Variants in POR observed in about 807,000 individuals in gnomAD.
POR encodes the protein cytochrome p450 oxidoreductase.
Under a neutral mutation model 84.0 loss-of-function variants are expected in POR, and 56 were observed. The ratio of observed to expected loss-of-function variants is 0.67; its 90% CI spans 0.54 to 0.83. POR has a LOEUF of 0.83. Ranked by LOEUF, POR falls within the 40% of genes least tolerant of loss-of-function variation. The probability of loss-of-function intolerance (pLI) is 0.00; values close to 1 mark genes in which losing one functional copy is unlikely to be tolerated. For missense variants in POR, 938 were observed against 944.3 expected (o/e 0.99, Z 0.09); for synonymous variants, 414 against 400.5 (o/e 1.03, Z -0.40).
chr7:75,985,707 T>C lies in POR; in HGVS notation c.1527T>C (p.Arg509=). Reference sequence around the variant, plus strand: ...AGCCTGCCGGGGAGAACGGCGGCCGTGCGCTGGTGCCCATGTTCGTGCGCA... The same window carrying C: ...AGCCTGCCGGGGAGAACGGCGGCCGCGCGCTGGTGCCCATGTTCGTGCGCA... The change falls in exon 13 of 16, where the codon CGT becomes CGC. Residue 509 remains arginine, a synonymous_variant. Transcript: ENST00000461988. 6.3e-7 allele frequency: 1 copy of C among 1,586,838 alleles called. No homozygotes were observed. Among genetic ancestry groups the C allele is most frequent in the Non-Finnish European group, 8.6e-7 (1 of 1,168,382 alleles).
Position 75,923,378 on chromosome 7 carries a change from AGGAGATT to A in POR, c.-5+8202_-5+8208del, listed in dbSNP as rs1448056707. Reference sequence around the variant, plus strand: ...CTACCAAAAATAGTGGACTTTCTGAAGGAGATTGGCACACCTCCATCTTCTTGGGGGT... The same window carrying A: ...CTACCAAAAATAGTGGACTTTCTGAAGGCACACCTCCATCTTCTTGGGGGT... On this transcript the variant is annotated intron_variant, in intron 1 of 15. Transcript: ENST00000461988. The A allele has an allele frequency of 2.1e-5, 16 of 760,802 alleles. No homozygotes were observed. In the African/African-American group the frequency reaches 2.4e-4, roughly 11 times the overall value. 47.1% of individuals were successfully genotyped at this position (760,802 alleles called of 1,614,324 possible). A position where few individuals can be genotyped will look rare whatever the true frequency, so the allele number is the denominator to read the frequency against.
chr7:75,949,147 T>C (rs1787307264), intron 1 of POR, among the ~76,000 whole-genome samples: 1 of 150,496 alleles, frequency 6.6e-6, no homozygotes, highest in Non-Finnish European at 1.5e-5. Flanking sequence ...TTTGTTGTTG[T>C]TGTTGTTGTT....
intron 1 of POR, among the ~76,000 whole-genome samples, chr7:75,945,008 C>T (rs1050610005): frequency 3.3e-5 from 5 of 152,060 alleles, no homozygotes; most frequent in African/African-American, 9.7e-5. Context: ...ATAATGGCGG[C>T]CGGGCACGGT....
chr7:75,983,887 G>T, intron 10 of POR, 31 bp downstream of exon 10: 1 of 1,534,488 alleles, frequency 6.5e-7, no homozygotes, highest in Non-Finnish European at 8.9e-7. Flanking sequence ...GCCCTGCCGG[G>T]CTCAGGCAGC....
chr7:75,921,477 G>T (rs1374371233), intron 1 of POR, among the ~76,000 whole-genome samples: 1 of 152,070 alleles, frequency 6.6e-6, no homozygotes, highest in Non-Finnish European at 1.5e-5. Flanking sequence ...GGCCAGGCTG[G>T]TCTCGAACTC....
At chr7:75,936,086 CTTT>C (rs869164954) in intron 1 of POR, among the ~76,000 whole-genome samples, 23 of 99,770 alleles carry the variant, frequency 2.3e-4, no homozygotes, top group African/African-American at 5.5e-4. Context: ...TTCTTTCTTT[CTTT>C]TTTTTTTTTT....
chr7:75,983,781 T>C lies in POR; in HGVS notation c.991T>C (p.Ser331Pro). The C allele has an allele frequency of 6.2e-7, 1 of 1,612,488 alleles. No homozygotes were observed. The highest frequency in any genetic ancestry group is 8.5e-7 in the Non-Finnish European group (1 of 1,179,752). Residue 331 changes from serine (S) to proline (P), a missense_variant, in exon 10 of 16, where the codon TCT becomes CCT. Physicochemically the swap from Ser to Pro is moderately conservative, Grantham distance 74. Coordinates refer to ENST00000461988, the MANE Select transcript of POR (RefSeq NM_000941.3). ...CGTGGCTGTGTACCCAGCCAACGACTCTGCTCTCGTCAACCAGCTGGGCAA... is the reference window on the plus strand; with the variant it reads ...CGTGGCTGTGTACCCAGCCAACGACCCTGCTCTCGTCAACCAGCTGGGCAA...
intron 1 of POR, among the ~76,000 whole-genome samples, chr7:75,917,477 T>C (rs1806630455): frequency 6.6e-6 from 1 of 151,364 alleles, no homozygotes; most frequent in East Asian, 1.9e-4. Flanking sequence ...AGCTTCGATG[T>C]CCTTGTGCTT....
At chr7:75,931,405 C>T (rs1309098716) in intron 1 of POR, among the ~76,000 whole-genome samples, 1 of 151,880 alleles carries the variant, frequency 6.6e-6, no homozygotes, top group Non-Finnish European at 1.5e-5. Flanking sequence ...CTCCCTCTCT[C>T]ACGCAGGCTA....
chr7:75,936,197 G>A (rs1032621050), intron 1 of POR, among the ~76,000 whole-genome samples: 3 of 146,992 alleles, frequency 2.0e-5, no homozygotes, highest in East Asian at 2.0e-4. Context: ...TCTAACTCCC[G>A]GGCTTAAGTA....
intron 3 of POR, among the ~76,000 whole-genome samples, chr7:75,978,828 G>C (rs1554557216): frequency 6.7e-6 from 1 of 148,746 alleles, no homozygotes; most frequent in Non-Finnish European, 1.5e-5. Flanking sequence ...GTGGAGTCTT[G>C]CTCTGTCACC....
intron 2 of POR, among the ~76,000 whole-genome samples, chr7:75,966,947 G>A (rs889514573): frequency 5.3e-5 from 8 of 152,102 alleles, no homozygotes; most frequent in African/African-American, 7.2e-5. Flanking sequence ...ACCTCTGTAC[G>A]GCTGGAGCCT....
In POR at chr7:75,981,191, A is replaced by G; in HGVS notation, c.641+19A>G. On this transcript the variant is annotated intron_variant, in intron 6 of 15. Coordinates refer to ENST00000461988, the MANE Select transcript of POR (RefSeq NM_000941.3). Reference sequence around the variant, plus strand: ...ATGGGAAGTGAGTGCCCACCCTGCCACCATGATCAGCGCGGCGGGCTTAGG... The same window carrying G: ...ATGGGAAGTGAGTGCCCACCCTGCCGCCATGATCAGCGCGGCGGGCTTAGG... The G allele has an allele frequency of 2.0e-6, 3 of 1,526,890 alleles. No homozygotes were observed. Among genetic ancestry groups the G allele is most frequent in the Non-Finnish European group, 2.6e-6 (3 of 1,132,442 alleles). The allele number at this position is 1,526,890 out of a possible 1,614,324, so 94.6% of individuals were successfully genotyped here.
intron 1 of POR, among the ~76,000 whole-genome samples, chr7:75,919,003 GTT>G (rs36120501): frequency 2.1e-5 from 3 of 142,132 alleles, no homozygotes; most frequent in African/African-American, 2.6e-5. Context: ...AGTGTTGTGT[GTT>G]TTTTTTTTTT....
chr7:75,936,577 C>T (rs781045409), intron 1 of POR, among the ~76,000 whole-genome samples: 2 of 151,912 alleles, frequency 1.3e-5, no homozygotes, highest in East Asian at 1.9e-4. Context: ...ATTCTCATTT[C>T]GGTAAAGGAG....
At chr7:75,971,924 G>A (rs782510447) in intron 2 of POR, among the ~76,000 whole-genome samples, 1 of 152,056 alleles carries the variant, frequency 6.6e-6, no homozygotes. Flanking sequence ...TCATGTGCCC[G>A]GATCCCATGG....
intron 1 of POR, among the ~76,000 whole-genome samples, chr7:75,937,844 T>C (rs79725800): frequency 2.0e-5 from 3 of 152,132 alleles, no homozygotes; most frequent in African/African-American, 4.8e-5. Flanking sequence ...CGTGAACTCC[T>C]GTGGAGAGTT....
intron 12 of POR, 185 bp from the exon 13 acceptor site, chr7:75,985,394 C>A: frequency 8.9e-7 from 1 of 1,126,312 alleles, no homozygotes; most frequent in Non-Finnish European, 1.2e-6. Flanking sequence ...TTCTCAGCAT[C>A]TGTCCAGCCC....
At chr7:75,931,856 T>A (rs1807437724) in intron 1 of POR, among the ~76,000 whole-genome samples, 1 of 152,198 alleles carries the variant, frequency 6.6e-6, no homozygotes, top group Non-Finnish European at 1.5e-5. Context: ...AATAAAGATG[T>A]GTCTTCCACC....
Sources: gnomAD v4.1 joint callset for allele counts (sites outside exome capture counted in the v4.1 genomes callset) on GRCh38, gnomAD v4.1.1 for gene constraint, MANE v1.5 for transcripts, NCBI Gene and HGNC (gene_info 2026-07-23, HGNC 2026-07-21) for gene names.